BCAS3: variants seen among roughly 807,000 people sequenced by gnomAD.
BCAS3 encodes the protein BCAS4/BCAS3 fusion.
Under a neutral mutation model 116.1 loss-of-function variants are expected in BCAS3, and 53 were observed. The ratio of observed to expected loss-of-function variants is 0.46; its 90% CI spans 0.37 to 0.57. The LOEUF (loss-of-function observed/expected upper bound fraction) is 0.57. Ranked by LOEUF, BCAS3 falls within the 20% of genes least tolerant of loss-of-function variation. BCAS3 has a pLI of 0.00. For missense variants in BCAS3, 917 were observed against 1,165.4 expected (o/e 0.79, Z 3.10); for synonymous variants, 391 against 408.2 (o/e 0.96, Z 0.51).
intron 7 of BCAS3, among the ~76,000 whole-genome samples, chr17:60,835,397 C>G (rs575285880): frequency 6.6e-6 from 1 of 152,100 alleles, no homozygotes; most frequent in African/African-American, 2.4e-5. Flanking sequence ...CCTGATGTTA[C>G]TGAAGTCAAG....
intron 5 of BCAS3, among the ~76,000 whole-genome samples, chr17:60,735,076 G>A (rs1223441842): frequency 2.0e-5 from 3 of 151,924 alleles, no homozygotes; most frequent in Admixed American, 6.6e-5. Flanking sequence ...TTCATTTTTG[G>A]TGGCACTAAT....
At chr17:60,822,266 TAA>T (rs1374334339) in intron 7 of BCAS3, among the ~76,000 whole-genome samples, 6 of 152,240 alleles carry the variant, frequency 3.9e-5, no homozygotes, top group Non-Finnish European at 8.8e-5. Context: ...TCTATTTTAT[TAA>T]GTCTTTTTTA....
At position 61,087,729 on chromosome 17, in the gene BCAS3, C is replaced by T. The variant is rs992833581; in HGVS notation, c.2425+3165C>T. Among the ~76,000 whole-genome samples the T allele has an allele frequency of 2.0e-5, 3 of 152,080 alleles. No individual in the cohort carries two copies. Among genetic ancestry groups the T allele is most frequent in the African/African-American group, 4.8e-5 (2 of 41,402 alleles). ...TTATTAACTTCAGTGATTTAAGCAC[C>T]GGGTAAATTCTATGCCTTTAGACAC... On this transcript the variant is annotated intron_variant, in intron 22 of 23. Transcript: ENST00000407086. This position sits in a 1 kb window ranked among gnomAD's most constrained non-coding sequence, Gnocchi z 4.6.
Position 61,229,770 on chromosome 17 carries a change from C to T in BCAS3, c.2426-138557C>T, listed in dbSNP as rs903089033. ...CTTACCCCGTCTCTAGATATGGAGCCACAACCTTGCCTGCTACCAGCTGAA... is the reference window on the plus strand; with the variant it reads ...CTTACCCCGTCTCTAGATATGGAGCTACAACCTTGCCTGCTACCAGCTGAA... On this transcript the variant is annotated intron_variant, in intron 22 of 23. Transcript: ENST00000407086. This position sits in a 1 kb window ranked among gnomAD's most constrained non-coding sequence, Gnocchi z 4.4. Among the ~76,000 whole-genome samples the T allele has an allele frequency of 6.6e-6, 1 of 152,170 alleles. No individual in the cohort carries two copies. Among genetic ancestry groups the T allele is most frequent in the Non-Finnish European group, 1.5e-5 (1 of 68,026 alleles).
At chr17:61,232,441 C>A (rs1325119291) in intron 22 of BCAS3, among the ~76,000 whole-genome samples, 1 of 151,938 alleles carries the variant, frequency 6.6e-6, no homozygotes, top group Non-Finnish European at 1.5e-5. Context: ...CATTATCTGG[C>A]AGGGTGGGAG....
chr17:60,766,952 G>A (rs930182090), intron 6 of BCAS3, among the ~76,000 whole-genome samples: 2 of 152,196 alleles, frequency 1.3e-5, no homozygotes, highest in African/African-American at 2.4e-5. Context: ...GTTTGATCTC[G>A]GACTGCTGCT....
intron 7 of BCAS3, among the ~76,000 whole-genome samples, chr17:60,860,659 C>T (rs1040759141): frequency 9.2e-5 from 14 of 152,012 alleles, no homozygotes; most frequent in African/African-American, 2.9e-4. Context: ...TTTTTGTATA[C>T]AGTGGAAAGA....
In BCAS3 at chr17:61,276,026, A is replaced by C. The variant is rs756016601; in HGVS notation, c.2426-92301A>C. 2.6e-5 allele frequency among the ~76,000 whole-genome samples: 4 copies of C among 152,158 alleles called. No homozygotes were observed. Among genetic ancestry groups the C allele is most frequent in the Admixed American group, 1.3e-4 (2 of 15,272 alleles). On this transcript the variant is annotated intron_variant, in intron 22 of 23. Transcript: ENST00000407086. The surrounding 1 kb of genome is among the most constrained non-coding windows in gnomAD (Gnocchi z 4.2). ...CTTATAAACGGCAACCTATTTTGCA[A>C]GGTTGTAGGATATACTATCAGTATA...
chr17:60,704,730 C>T (rs1480495266), intron 4 of BCAS3, among the ~76,000 whole-genome samples: 1 of 151,464 alleles, frequency 6.6e-6, no homozygotes, highest in Non-Finnish European at 1.5e-5. Context: ...CCCAGCTACT[C>T]AGGAGGCTGA....
At chr17:61,101,608 T>C (rs936634323) in intron 22 of BCAS3, among the ~76,000 whole-genome samples, 3 of 152,130 alleles carry the variant, frequency 2.0e-5, no homozygotes, top group African/African-American at 7.2e-5. Context: ...GAGTGAGGAT[T>C]CCCAATGGAC....
rs1267303144 is a variant in BCAS3 at position 61,313,177 on chromosome 17, A to C, written c.2426-55150A>C. Among the ~76,000 whole-genome samples the C allele has an allele frequency of 1.3e-5, 2 of 152,236 alleles. No homozygotes were observed. The highest frequency in any genetic ancestry group is 2.9e-5 in the Non-Finnish European group (2 of 68,046). ...CTTTGGATTCATGGCAATTACTGCCAGGTAGAGAAAGCGAATGCTGTTATT... is the reference window on the plus strand; with the variant it reads ...CTTTGGATTCATGGCAATTACTGCCCGGTAGAGAAAGCGAATGCTGTTATT... On this transcript the variant is annotated intron_variant, in intron 22 of 23. Coordinates refer to ENST00000407086, the MANE Select transcript of BCAS3 (RefSeq NM_017679.5). The surrounding 1 kb of genome is among the most constrained non-coding windows in gnomAD (Gnocchi z 4.3).
In BCAS3 at chr17:60,889,676, G is replaced by T. The variant is rs773810736; in HGVS notation, c.662-19G>T. The T allele has an allele frequency of 6.2e-7, 1 of 1,600,100 alleles. No homozygotes were observed. Among genetic ancestry groups the T allele is most frequent in the South Asian group, 1.1e-5 (1 of 90,682 alleles). On this transcript the variant is annotated intron_variant, in intron 9 of 23. Coordinates refer to ENST00000407086, the MANE Select transcript of BCAS3 (RefSeq NM_017679.5). ...AGTTATTAAGAAATTTCTCAATAGT[G>T]CCATTTGAAATTTTTCAGGCTGCTA...
intron 9 of BCAS3, among the ~76,000 whole-genome samples, chr17:60,885,986 T>C (rs1221113378): frequency 0.015 from 1,879 of 127,518 alleles, 67 homozygotes; most frequent in African/African-American, 0.06. Context: ...ATCTGAACGT[T>C]GGCCTGCCTT....
rs1164373030 is a variant in BCAS3, at chr17:61,285,938, G to A, written c.2426-82389G>A. On this transcript the variant is annotated intron_variant, in intron 22 of 23. Transcript: ENST00000407086. This position sits in a 1 kb window ranked among gnomAD's most constrained non-coding sequence, Gnocchi z 5.4. ...AGACTTAGCTTACACACACACTCAA[G>A]TTACGTGAATACATGAATATTGCAG... Among the ~76,000 whole-genome samples, 3 of 152,254 alleles carry A rather than the reference G, an allele frequency of 2.0e-5. No individual in the cohort carries two copies. The highest frequency in any genetic ancestry group is 3.9e-4 in the East Asian group (2 of 5,182).
At chr17:60,729,499 C>T (rs555723584) in intron 5 of BCAS3, among the ~76,000 whole-genome samples, 24 of 151,898 alleles carry the variant, frequency 1.6e-4, no homozygotes, top group African/African-American at 5.6e-4. Flanking sequence ...ACAGTTGTTC[C>T]ACTCACTGCT....
At chr17:61,069,279 A>G (rs1024142880) in intron 19 of BCAS3, among the ~76,000 whole-genome samples, 1 of 152,128 alleles carries the variant, frequency 6.6e-6, no homozygotes, top group Non-Finnish European at 1.5e-5. Context: ...TAGGGAAGGT[A>G]CAGTTTCAGG....
At chr17:61,114,716 C>T (rs2075313378) in intron 22 of BCAS3, among the ~76,000 whole-genome samples, 1 of 152,132 alleles carries the variant, frequency 6.6e-6, no homozygotes, top group Admixed American at 6.5e-5. Flanking sequence ...CAATGACTTT[C>T]TTCACAGAAT....
intron 7 of BCAS3, chr17:60,810,822 G>A: frequency 1.4e-6 from 1 of 690,476 alleles, no homozygotes; most frequent in Non-Finnish European, 2.7e-6. Flanking sequence ...ACCTCGAAGA[G>A]GAAGTAAAAG....
At chr17:60,952,528 C>A (rs1001201481) in intron 14 of BCAS3, among the ~76,000 whole-genome samples, 2 of 152,076 alleles carry the variant, frequency 1.3e-5, no homozygotes, top group Non-Finnish European at 2.9e-5. Flanking sequence ...CTATGTTGGT[C>A]AGGCTGGCCT....
Sources: gnomAD v4.1 joint callset for allele counts (sites outside exome capture counted in the v4.1 genomes callset) on GRCh38, gnomAD v4.1.1 for gene constraint, Gnocchi (gnomAD v3.1) non-coding constraint, MANE v1.5 for transcripts, NCBI Gene and HGNC (gene_info 2026-07-23, HGNC 2026-07-21) for gene names.